PCDHA8: variants seen among roughly 807,000 people sequenced by gnomAD.
PCDHA8 encodes the protein protocadherin alpha-8.
Under a neutral mutation model 61.8 loss-of-function variants are expected in PCDHA8, and 53 were observed. The observed-to-expected ratio is 0.86, with a 90% CI of 0.69 to 1.08. The LOEUF (loss-of-function observed/expected upper bound fraction) is 1.08. PCDHA8 is among the 50% of genes least tolerant of loss of function. The pLI, the probability that PCDHA8 is intolerant of heterozygous loss-of-function variation, is 0.00. For synonymous variants in PCDHA8, 618 were observed against 556.6 expected (o/e 1.11, Z -1.55); for missense variants, 1,293 against 1,245.0 (o/e 1.04, Z -0.58).
chr5:140,918,517 G>A (rs2078735105), intron 1 of PCDHA8, among the ~76,000 whole-genome samples: 1 of 152,134 alleles, frequency 6.6e-6, no homozygotes, highest in South Asian at 2.1e-4. Flanking sequence ...TAAACTTATT[G>A]AGGATTGTTT....
chr5:140,853,857 A>T, intron 1 of PCDHA8: 3 of 985,610 alleles, frequency 3.0e-6, no homozygotes, highest in Non-Finnish European at 3.7e-6. Flanking sequence ...GCCCTATTTG[A>T]TACTTGACAG....
At chr5:140,932,734 C>G (rs1295804671) in intron 1 of PCDHA8, among the ~76,000 whole-genome samples, 2 of 151,588 alleles carry the variant, frequency 1.3e-5, no homozygotes, top group Non-Finnish European at 1.5e-5. Context: ...AATATAGACC[C>G]TCAAATCAGT....
At chr5:140,982,214 TG>T in intron 2 of PCDHA8, 1 of 485,000 alleles carries the variant, frequency 2.1e-6, no homozygotes, top group Non-Finnish European at 3.3e-6. Flanking sequence ...GAGCGCCACA[TG>T]GCGTTAATAA....
In PCDHA8 at chr5:140,850,045, T is replaced by C. The variant is rs2150464931; in HGVS notation, c.2394+6330T>C. 3.1e-6 allele frequency: 5 copies of C among 1,596,208 alleles called. No homozygotes were observed. In the African/African-American group the frequency reaches 5.4e-5, roughly 17 times the overall value. On this transcript the variant is annotated intron_variant, in intron 1 of 3. Coordinates refer to ENST00000531613, the MANE Select transcript of PCDHA8 (RefSeq NM_018911.3). Reference sequence around the variant, plus strand: ...TCAGTGCACGCGGAGAGCGGCAAGGTGTACGCGCTGCAGCCGTTGGACCAC... The same window carrying C: ...TCAGTGCACGCGGAGAGCGGCAAGGCGTACGCGCTGCAGCCGTTGGACCAC...
intron 1 of PCDHA8, chr5:140,857,725 C>T: frequency 6.3e-7 from 1 of 1,597,502 alleles, no homozygotes; most frequent in Non-Finnish European, 8.6e-7. Context: ...ACGAGAACGA[C>T]AACGCTCCCG....
intron 1 of PCDHA8, among the ~76,000 whole-genome samples, chr5:140,904,463 AT>A (rs2071154368): frequency 6.6e-6 from 1 of 151,520 alleles, no homozygotes; most frequent in Non-Finnish European, 1.5e-5. Flanking sequence ...ACACTTGTTG[AT>A]TGGTGGCTAT....
At chr5:140,921,022 T>C (rs990627966) in intron 1 of PCDHA8, among the ~76,000 whole-genome samples, 6 of 152,094 alleles carry the variant, frequency 3.9e-5, no homozygotes, top group Admixed American at 6.6e-5. Context: ...CTATGTTTTC[T>C]AGACTGGGGT....
intron 1 of PCDHA8, among the ~76,000 whole-genome samples, chr5:140,913,435 C>T (rs2153526525): frequency 6.6e-6 from 1 of 152,202 alleles, no homozygotes; most frequent in South Asian, 2.1e-4. Context: ...GTAATGCCTC[C>T]TTTTTCAGCT....
At chr5:140,882,592 G>T in intron 1 of PCDHA8, 1 of 1,614,272 alleles carries the variant, frequency 6.2e-7, no homozygotes, top group Non-Finnish European at 8.5e-7. Context: ...ACCTGGAGGT[G>T]ATCGTGGACA....
intron 1 of PCDHA8, chr5:140,858,577 A>T: frequency 7.4e-7 from 1 of 1,352,316 alleles, no homozygotes; most frequent in Non-Finnish European, 1.0e-6. Context: ...ATACCTTTGT[A>T]ATATAATTTA....
At position 140,848,233 on chromosome 5, in the gene PCDHA8, TAA is replaced by T. The variant is rs1363334655; in HGVS notation, c.2394+4519_2394+4520del. The stretch of plus-strand genomic sequence containing the variant: ...TTAAGAAAAAATTAAGAAAATGAAA[TAA>T]GTTTTGCAGAATAACTGTGAAATTT... On this transcript the variant is annotated intron_variant, in intron 1 of 3. Transcript: ENST00000531613. The T allele has an allele frequency of 7.5e-5, 31 of 410,834 alleles. 1 individual carries two copies. Among genetic ancestry groups the T allele is most frequent in the Middle Eastern group, 1.3e-3 (2 of 1,546 alleles). 25.4% of individuals were successfully genotyped at this position (410,834 alleles called of 1,614,324 possible).
At position 140,927,327 on chromosome 5, in the gene PCDHA8, C is replaced by T. The variant is rs781793681; in HGVS notation, c.2395-51622C>T. On this transcript the variant is annotated intron_variant, in intron 1 of 3. Coordinates refer to ENST00000531613, the MANE Select transcript of PCDHA8 (RefSeq NM_018911.3). ...TGACGCCCGGAGCCCGCTTTACTCT[C>T]CCGAATGCCCAAGATGACGACGAGG... 8.5e-5 allele frequency: 137 copies of T among 1,614,206 alleles called. No individual in the cohort carries two copies. In the Middle Eastern group the frequency reaches 3.6e-3, roughly 43 times the overall value.
At chr5:140,882,175 G>A in intron 1 of PCDHA8, 1 of 1,515,150 alleles carries the variant, frequency 6.6e-7, no homozygotes. Flanking sequence ...GAATCCTTCC[G>A]CACTAGGAAG....
At chr5:140,899,201 G>T (rs1400966236) in intron 1 of PCDHA8, among the ~76,000 whole-genome samples, 5 of 151,818 alleles carry the variant, frequency 3.3e-5, no homozygotes, top group Admixed American at 6.6e-5. Context: ...CTGCCTAATT[G>T]CCCTGGCCAG....
intron 1 of PCDHA8, chr5:140,871,061 A>G (rs2052667671): frequency 6.2e-7 from 1 of 1,613,082 alleles, no homozygotes; most frequent in African/African-American, 1.3e-5. Flanking sequence ...GTGAAGGATC[A>G]CGGTGAGCCG....
intron 1 of PCDHA8, chr5:140,928,682 C>T (rs782513735): frequency 6.2e-7 from 1 of 1,614,174 alleles, no homozygotes; most frequent in Non-Finnish European, 8.5e-7. Flanking sequence ...GCCTGGCTTT[C>T]CTACCACATC....
intron 1 of PCDHA8, among the ~76,000 whole-genome samples, chr5:140,934,486 A>G (rs1243287097): frequency 6.6e-6 from 1 of 152,124 alleles, no homozygotes; most frequent in East Asian, 1.9e-4. Context: ...AATTATATTC[A>G]CCTCATAAAC....
intron 1 of PCDHA8, among the ~76,000 whole-genome samples, chr5:140,941,550 C>T (rs1489599221): frequency 6.6e-6 from 1 of 151,776 alleles, no homozygotes; most frequent in Non-Finnish European, 1.5e-5. Flanking sequence ...CTCCTGACCT[C>T]GTGATCCATT....
At position 140,969,258 on chromosome 5, in the gene PCDHA8, A is replaced by T. The variant is rs782513796; in HGVS notation, c.2395-9691A>T. ...CAAGCAGCAGTGACTGACAGCAGGA[A>T]TCTCACAGGCCAAAGTGGTCAGAAT... On this transcript the variant is annotated intron_variant, in intron 1 of 3. Transcript: ENST00000531613. The T allele has an allele frequency of 3.7e-6, 6 of 1,614,106 alleles. No homozygotes were observed. The East Asian group carries it at 1.3e-4, about 36-fold the overall frequency.
Sources: gnomAD v4.1 joint callset for allele counts (sites outside exome capture counted in the v4.1 genomes callset) on GRCh38, gnomAD v4.1.1 for gene constraint, MANE v1.5 for transcripts, NCBI Gene and HGNC (gene_info 2026-07-23, HGNC 2026-07-21) for gene names.